ZNF221: variants seen among roughly 807,000 people sequenced by gnomAD.
ZNF221 encodes zinc finger protein 221.
A neutral mutation model predicts 12.6 loss-of-function variants in ZNF221; 10 were observed. The observed-to-expected ratio is 0.79, with a 90% CI of 0.49 to 1.34. ZNF221 has a LOEUF of 1.34. Ranked by LOEUF, ZNF221 falls within the 40% of genes most tolerant of loss-of-function variation. The pLI is 0.00. For synonymous variants in ZNF221, 232 were observed against 244.0 expected (o/e 0.95, Z 0.46); for missense variants, 661 against 721.4 (o/e 0.92, Z 0.96).
intron 1 of ZNF221, chr19:43,960,282 C>T (rs554733945): frequency 2.0e-5 from 3 of 152,162 alleles, no homozygotes; most frequent in Non-Finnish European, 4.4e-5. Flanking sequence ...GCCTGGCTGC[C>T]TCACTGCTTC....
downstream of ZNF221, among the ~76,000 whole-genome samples, chr19:43,972,491 A>T (rs1168034034): frequency 6.6e-6 from 1 of 151,988 alleles, no homozygotes; most frequent in East Asian, 1.9e-4. Context: ...TTTGAAAAAA[A>T]TTAATAGACT....
downstream of ZNF221, among the ~76,000 whole-genome samples, chr19:43,971,679 A>T (rs977130196): frequency 2.6e-5 from 4 of 152,088 alleles, no homozygotes; most frequent in Non-Finnish European, 5.9e-5. Flanking sequence ...AAGGCATTAC[A>T]TAACAGCAAA....
chr19:43,956,510 C>A (rs1299103488), intron 1 of ZNF221, among the ~76,000 whole-genome samples: 1 of 68,886 alleles, frequency 1.5e-5, no homozygotes, highest in Non-Finnish European at 4.9e-5. Flanking sequence ...GCCATTTTAT[C>A]CTCTCTTATG....
chr19:43,974,411 A>G, the ZNF221 span, among the ~76,000 whole-genome samples: 13,846 of 152,290 alleles, frequency 0.091, 817 homozygotes, highest in East Asian at 0.14. Flanking sequence ...TAATTAAACT[A>G]AAGAGCTTCT....
In ZNF221 at chr19:43,967,449, CTG is replaced by C; in HGVS notation, c.*96_*97del. 1.1e-6 allele frequency: 1 copy of C among 949,004 alleles called. No homozygotes were observed. The highest frequency in any genetic ancestry group is 2.4e-5 in the East Asian group (1 of 41,718). The allele number at this position is 949,004 out of a possible 1,614,324, so 58.8% of individuals were successfully genotyped here. A position where few individuals can be genotyped will look rare whatever the true frequency, so the allele number is the denominator to read the frequency against. On this transcript the variant is annotated 3_prime_UTR_variant, in exon 5 of 5. Transcript: ENST00000587682. The stretch of plus-strand genomic sequence containing the variant: ...GAGAAAAACCATTCAAATATGAGAA[CTG>C]TGGGAAGAGCTTTGTACATAGATCA...
At chr19:43,964,536 G>A (rs1274992107) in intron 2 of ZNF221, among the ~76,000 whole-genome samples, 1 of 152,214 alleles carries the variant, frequency 6.6e-6, no homozygotes, top group Non-Finnish European at 1.5e-5. Context: ...TCCACAGTTT[G>A]AGTATGAAAG....
At chr19:43,959,627 G>T (rs559854336) in intron 1 of ZNF221, among the ~76,000 whole-genome samples, 1 of 152,206 alleles carries the variant, frequency 6.6e-6, no homozygotes, top group African/African-American at 2.4e-5. Context: ...TCTCTCTCTT[G>T]TTCCTGCTCT....
intron 1 of ZNF221, among the ~76,000 whole-genome samples, chr19:43,962,211 T>A (rs393117): frequency 6.6e-6 from 1 of 152,150 alleles, no homozygotes; most frequent in East Asian, 1.9e-4. Context: ...CCCATTTCAG[T>A]CGTACGATTT....
chr19:43,979,570 G>GA, the ZNF221 span, among the ~76,000 whole-genome samples: 1 of 152,028 alleles, frequency 6.6e-6, no homozygotes, highest in Non-Finnish European at 1.5e-5. Context: ...AAGCTTCTTT[G>GA]AAAAAAGAAA....
chr19:43,971,448 AAGAC>A (rs1975094335), downstream of ZNF221, among the ~76,000 whole-genome samples: 1 of 152,220 alleles, frequency 6.6e-6, no homozygotes, highest in African/African-American at 2.4e-5. Flanking sequence ...CCCCAATTGA[AAGAC>A]AGAGAAGTGC....
chr19:43,966,941 G>A lies in ZNF221; in HGVS notation c.1439G>A (p.Cys480Tyr), dbSNP rs754711744. ...RVHTGERPYNCKECGKSFGWA... is the reference protein window; with the variant it reads ...RVHTGERPYNYKECGKSFGWA... ...CACACGGGTGAGAGACCCTATAATTGTAAGGAATGTGGCAAGAGCTTTGGC... is the reference window on the plus strand; with the variant it reads ...CACACGGGTGAGAGACCCTATAATTATAAGGAATGTGGCAAGAGCTTTGGC... Residue 480 changes from cysteine (C) to tyrosine (Y), a missense_variant, in exon 5 of 5, where the codon TGT becomes TAT. Transcript: ENST00000587682. 1.2e-6 allele frequency: 2 copies of A among 1,614,198 alleles called. No homozygotes were observed. The highest frequency in any genetic ancestry group is 1.1e-5 in the South Asian group (1 of 91,084).
intron 4 of ZNF221, 65 bp downstream of exon 4, chr19:43,965,390 C>A: frequency 7.1e-7 from 1 of 1,406,474 alleles, no homozygotes; most frequent in Non-Finnish European, 9.6e-7. Context: ...TCTGTCCATG[C>A]CTATTTCCAT....
At chr19:43,970,036 T>C (rs1442102880), downstream of ZNF221, among the ~76,000 whole-genome samples, 1 of 152,166 alleles carries the variant, frequency 6.6e-6, no homozygotes, top group East Asian at 1.9e-4. Context: ...AGTATCCCCC[T>C]GGGACAGAGT....
At chr19:43,980,282 A>T in the ZNF221 span, among the ~76,000 whole-genome samples, 218 of 152,330 alleles carry the variant, frequency 1.4e-3, no homozygotes, top group Non-Finnish European at 2.1e-3. Context: ...AGTAAACAGA[A>T]ATCCAACTGG....
At chr19:43,953,474 C>T (rs1485954004) in intron 1 of ZNF221, among the ~76,000 whole-genome samples, 3 of 152,084 alleles carry the variant, frequency 2.0e-5, no homozygotes, top group African/African-American at 4.8e-5. Context: ...TGCATAGACA[C>T]GATTGATTAA....
intron 1 of ZNF221, among the ~76,000 whole-genome samples, chr19:43,957,642 AT>A (rs1974778370): frequency 6.6e-6 from 1 of 152,276 alleles, no homozygotes; most frequent in Non-Finnish European, 1.5e-5. Flanking sequence ...CCTTTAAAAA[AT>A]TTCTAGCTTT....
intron 1 of ZNF221, among the ~76,000 whole-genome samples, chr19:43,958,155 A>T (rs1469616696): frequency 6.6e-6 from 1 of 152,206 alleles, no homozygotes; most frequent in African/African-American, 2.4e-5. Context: ...TGGCCCAGTT[A>T]AACAGGTTAA....
At chr19:43,963,153 G>T (rs893787459) in intron 2 of ZNF221, among the ~76,000 whole-genome samples, 1 of 151,872 alleles carries the variant, frequency 6.6e-6, no homozygotes, top group African/African-American at 2.4e-5. Context: ...AATTGTGCTC[G>T]TTTTATATAA....
the ZNF221 span, chr19:43,977,441 C>G: frequency 6.6e-6 from 1 of 152,178 alleles, no homozygotes; most frequent in Non-Finnish European, 1.5e-5. Context: ...TGTATCTGGT[C>G]ACCTGGATAT....
Sources: gnomAD v4.1 joint callset for allele counts (sites outside exome capture counted in the v4.1 genomes callset) on GRCh38, gnomAD v4.1.1 for gene constraint, MANE v1.5 for transcripts, NCBI Gene and HGNC (gene_info 2026-07-23, HGNC 2026-07-21) for gene names.